PTPRD: variants seen among roughly 807,000 people sequenced by gnomAD.
PTPRD encodes receptor-type tyrosine-protein phosphatase delta.
Under a neutral mutation model 214.5 loss-of-function variants are expected in PTPRD, and 34 were observed. The observed-to-expected ratio is 0.16, with a 90% CI of 0.12 to 0.21. The LOEUF is 0.21. PTPRD is among the 10% of genes least tolerant of loss of function. The pLI is 1.00. For synonymous variants in PTPRD, 1,128 were observed against 845.7 expected (o/e 1.33, Z -5.79); for missense variants, 2,545 against 2,398.7 (o/e 1.06, Z -1.27).
intron 5 of PTPRD, among the ~76,000 whole-genome samples, chr9:9,800,139 C>T (rs1002780191): frequency 6.6e-6 from 1 of 152,118 alleles, no homozygotes; most frequent in African/African-American, 2.4e-5. Flanking sequence ...CTGCATACCA[C>T]ACTCTTTTGG....
At chr9:9,919,371 G>GT (rs1014549304) in intron 5 of PTPRD, among the ~76,000 whole-genome samples, 87 of 152,184 alleles carry the variant, frequency 5.7e-4, no homozygotes, top group African/African-American at 2.0e-3. Context: ...AGGAATCAAA[G>GT]TCCCCCCACA....
At chr9:9,810,428 G>A (rs2153539189) in intron 5 of PTPRD, among the ~76,000 whole-genome samples, 1 of 152,078 alleles carries the variant, frequency 6.6e-6, no homozygotes, top group Admixed American at 6.5e-5. Flanking sequence ...TGCAGCTGGT[G>A]ACCATAGGTT....
chr9:10,597,495 T>C (rs181024669), intron 2 of PTPRD, among the ~76,000 whole-genome samples: 2 of 151,884 alleles, frequency 1.3e-5, no homozygotes, highest in African/African-American at 4.8e-5. Flanking sequence ...ATCAAATTAG[T>C]AGAAATCAAA....
chr9:9,147,185 C>A (rs924996581), intron 10 of PTPRD, among the ~76,000 whole-genome samples: 1 of 145,362 alleles, frequency 6.9e-6, no homozygotes, highest in Non-Finnish European at 1.6e-5. Flanking sequence ...GTCTCAGATT[C>A]TGTTATTTGC....
chr9:10,039,515 T>C (rs2097257041), intron 3 of PTPRD, among the ~76,000 whole-genome samples: 1 of 152,122 alleles, frequency 6.6e-6, no homozygotes, highest in Non-Finnish European at 1.5e-5. Flanking sequence ...TAAGCTAGAT[T>C]ACTACTATGT....
intron 12 of PTPRD, among the ~76,000 whole-genome samples, chr9:8,675,420 C>T (rs1343912981): frequency 4.0e-5 from 6 of 150,864 alleles, no homozygotes; most frequent in Admixed American, 3.3e-4. Flanking sequence ...TATTGTCTCA[C>T]GCAAAAACCC....
chr9:8,614,377 G>A (rs2095543513), intron 14 of PTPRD, among the ~76,000 whole-genome samples: 1 of 152,104 alleles, frequency 6.6e-6, no homozygotes, highest in Non-Finnish European at 1.5e-5. Flanking sequence ...GAGTTCAGAG[G>A]TTTGATCATC....
At chr9:9,735,751 C>T (rs936099893) in intron 6 of PTPRD, among the ~76,000 whole-genome samples, 3 of 152,062 alleles carry the variant, frequency 2.0e-5, no homozygotes, top group Admixed American at 6.6e-5. Context: ...AGATGTAAAA[C>T]GGATGATCTA....
In PTPRD at chr9:9,861,418, G is replaced by A. The variant is rs577900790; in HGVS notation, c.-368+77089C>T. Among the ~76,000 whole-genome samples, 8 of 152,224 alleles carry A rather than the reference G, an allele frequency of 5.3e-5. 1 individual carries two copies. Among genetic ancestry groups the A allele is most frequent in the Admixed American group, 2.0e-4 (3 of 15,288 alleles). ...CGATTCTCCTGCCTCAGCCTCCCGA[G>A]TAGCTGGGACTACAGGCATGCACCA... is the stretch of plus-strand genomic sequence containing the variant. On this transcript the variant is annotated intron_variant, in intron 5 of 45. Coordinates refer to ENST00000381196, the MANE Select transcript of PTPRD (RefSeq NM_002839.4).
Position 9,235,949 on chromosome 9 carries a change from C to A in PTPRD, c.-202-52586G>T, listed in dbSNP as rs892014456. Among the ~76,000 whole-genome samples, 7 of 152,122 alleles carry A rather than the reference C, an allele frequency of 4.6e-5. No homozygotes were observed. In the South Asian group the frequency reaches 8.3e-4, roughly 18 times the overall value. ...CTTATTAGTCTGAGTCAATTCTAAA[C>A]AATAAGGGGTTATATTTAAAAAGAG... On this transcript the variant is annotated intron_variant, in intron 9 of 45. Coordinates refer to ENST00000381196, the MANE Select transcript of PTPRD (RefSeq NM_002839.4).
chr9:8,705,642 T>A (rs950125758), intron 12 of PTPRD, among the ~76,000 whole-genome samples: 1 of 152,218 alleles, frequency 6.6e-6, no homozygotes, highest in African/African-American at 2.4e-5. Context: ...AGACAGCAGT[T>A]AAACACATAA....
intron 12 of PTPRD, among the ~76,000 whole-genome samples, chr9:8,712,209 G>A (rs1002465383): frequency 6.6e-6 from 1 of 152,152 alleles, no homozygotes; most frequent in Non-Finnish European, 1.5e-5. Context: ...AGACAGGGAT[G>A]GAGCTGTCCT....
chr9:9,667,868 A>G (rs1054995054), intron 7 of PTPRD, among the ~76,000 whole-genome samples: 1 of 152,158 alleles, frequency 6.6e-6, no homozygotes, highest in Non-Finnish European at 1.5e-5. Context: ...CCTTGCCACA[A>G]ATGGTCTGGG....
chr9:8,398,918 AT>A (rs1384602784), intron 36 of PTPRD, among the ~76,000 whole-genome samples: 1 of 152,124 alleles, frequency 6.6e-6, no homozygotes, highest in Non-Finnish European at 1.5e-5. Context: ...ATGGATCCCT[AT>A]TTTACTAAGC....
chr9:10,257,951 G>C (rs560376671), intron 3 of PTPRD, among the ~76,000 whole-genome samples: 1 of 152,140 alleles, frequency 6.6e-6, no homozygotes, highest in Non-Finnish European at 1.5e-5. Flanking sequence ...GCGGGTGTGT[G>C]TTATGTGCAA....
chr9:8,669,005 C>G (rs2097223023), intron 12 of PTPRD, among the ~76,000 whole-genome samples: 1 of 152,080 alleles, frequency 6.6e-6, no homozygotes, highest in African/African-American at 2.4e-5. Context: ...CAAAGAGGAG[C>G]ACTGAACAGC....
intron 9 of PTPRD, among the ~76,000 whole-genome samples, chr9:9,198,406 AG>A (rs1041603533): frequency 9.2e-5 from 14 of 152,048 alleles, no homozygotes; most frequent in African/African-American, 3.4e-4. Context: ...TCTGTCAAAT[AG>A]GTTTTTTTTT....
intron 3 of PTPRD, among the ~76,000 whole-genome samples, chr9:10,128,939 A>T (rs2098839062): frequency 6.6e-6 from 1 of 152,166 alleles, no homozygotes; most frequent in African/African-American, 2.4e-5. Flanking sequence ...GAGTGTCATC[A>T]TGGCTACTAT....
intron 4 of PTPRD, among the ~76,000 whole-genome samples, chr9:10,020,288 C>G (rs1483148445): frequency 3.3e-5 from 5 of 152,118 alleles, no homozygotes; most frequent in African/African-American, 9.7e-5. Context: ...TATATCAATA[C>G]AATATTAGTT....
Sources: gnomAD v4.1 joint callset for allele counts (sites outside exome capture counted in the v4.1 genomes callset) on GRCh38, gnomAD v4.1.1 for gene constraint, MANE v1.5 for transcripts, NCBI Gene and HGNC (gene_info 2026-07-23, HGNC 2026-07-21) for gene names.